Variants in VSIG10 observed in about 807,000 individuals in gnomAD.
VSIG10 encodes V-set and immunoglobulin domain-containing protein 10.
In VSIG10, 48 loss-of-function variants were observed where a neutral mutation model predicts 58.7. The ratio of observed to expected loss-of-function variants is 0.82; its 90% CI spans 0.65 to 1.04. VSIG10 has a LOEUF of 1.04. VSIG10 is among the 50% of genes least tolerant of loss of function. The pLI, the probability that VSIG10 is intolerant of heterozygous loss-of-function variation, is 0.00. For synonymous variants in VSIG10, 260 were observed against 267.1 expected, an observed-to-expected ratio of 0.97 and a Z score of 0.26; for missense variants, 628 against 670.0, an observed-to-expected ratio of 0.94 and a Z score of 0.69.
At chr12:118,080,126 G>A (rs888924262) in intron 3 of VSIG10, among the ~76,000 whole-genome samples, 2 of 151,692 alleles carry the variant, frequency 1.3e-5, no homozygotes, top group East Asian at 3.9e-4. Context: ...GAGCCACTGC[G>A]TCTCGCCTCG....
rs2032206362 is a variant in VSIG10 at position 118,065,217 on chromosome 12, A to G, written c.*1422T>C. On this transcript the variant is annotated 3_prime_UTR_variant, in exon 9 of 9. Coordinates refer to ENST00000359236, the MANE Select transcript of VSIG10 (RefSeq NM_019086.6). ...CTCTTCCCACTTCCAAGACTGAGAAAGAGTCCAGATGAGCTGGTTTGCCCA... is the reference window on the plus strand; with the variant it reads ...CTCTTCCCACTTCCAAGACTGAGAAGGAGTCCAGATGAGCTGGTTTGCCCA... The G allele has an allele frequency of 6.6e-6, 1 of 151,840 alleles. No individual in the cohort carries two copies. Among genetic ancestry groups the G allele is most frequent in the Non-Finnish European group, 1.5e-5 (1 of 67,688 alleles). The allele number at this position is 151,840 out of a possible 1,614,324, so 9.4% of individuals were successfully genotyped here.
intron 3 of VSIG10, among the ~76,000 whole-genome samples, chr12:118,081,699 A>G (rs1566166137): frequency 6.6e-6 from 1 of 152,154 alleles, no homozygotes; most frequent in African/African-American, 2.4e-5. Context: ...GTTCAGAAGA[A>G]TCATGCAGCA....
chr12:118,103,286 C>A, intron 1 of VSIG10: 1 of 304,678 alleles, frequency 3.3e-6, no homozygotes, highest in Non-Finnish European at 6.0e-6. Flanking sequence ...AAAAAAATCA[C>A]TTTCCCGGCA....
chr12:118,082,446 G>A lies in VSIG10; in HGVS notation c.362-17C>T, dbSNP rs537110073. The A allele has an allele frequency of 5.6e-6, 9 of 1,598,588 alleles. No individual in the cohort carries two copies. In the Admixed American group the frequency reaches 6.8e-5, roughly 12 times the overall value. ...AGGGGCCGCCTGGGGATGACAGGGGGAATAGGATGGCATTAATTATGTAAG... is the reference window on the plus strand; with the variant it reads ...AGGGGCCGCCTGGGGATGACAGGGGAAATAGGATGGCATTAATTATGTAAG... On this transcript the variant is annotated splice_polypyrimidine_tract_variant and intron_variant, in intron 2 of 8. Transcript: ENST00000359236.
intron 2 of VSIG10, among the ~76,000 whole-genome samples, chr12:118,090,596 T>A (rs577191921): frequency 8.5e-5 from 13 of 152,298 alleles, no homozygotes; most frequent in Non-Finnish European, 1.6e-4. Context: ...TATCTGTGAA[T>A]GCACCACACT....
intron 1 of VSIG10, among the ~76,000 whole-genome samples, chr12:118,100,544 T>A (rs559446715): frequency 2.0e-4 from 31 of 152,316 alleles, no homozygotes; most frequent in Non-Finnish European, 3.5e-4. Flanking sequence ...ATTTACTTTT[T>A]TTTTGAGATG....
intron 5 of VSIG10, among the ~76,000 whole-genome samples, chr12:118,071,976 C>A (rs1027302686): frequency 4.0e-5 from 6 of 148,936 alleles, no homozygotes; most frequent in African/African-American, 1.5e-4. Context: ...TCGAGACCAG[C>A]CTGACCAACA....
chr12:118,089,378 AGT>A (rs34956496), intron 2 of VSIG10, among the ~76,000 whole-genome samples: 28,499 of 152,166 alleles, frequency 0.19, 3,246 homozygotes, highest in Middle Eastern at 0.32. Context: ...TTAACAAATC[AGT>A]GTCTGATCAA....
At chr12:118,082,017 T>TAA (rs11413291) in intron 3 of VSIG10, 110 bp downstream of exon 3, 15,932 of 842,310 alleles carry the variant, frequency 0.019, 5 homozygotes, top group East Asian at 0.038. Context: ...AACTCCATCT[T>TAA]AAAAAAAAAA....
intron 4 of VSIG10, among the ~76,000 whole-genome samples, chr12:118,076,472 G>C (rs2032731665): frequency 1.3e-5 from 2 of 150,368 alleles, no homozygotes; most frequent in African/African-American, 4.9e-5. Context: ...GCCAATATTT[G>C]GAGTTACAAT....
Position 118,082,329 on chromosome 12 carries a change from G to T in VSIG10, c.462C>A (p.Asn154Lys). The change falls in exon 3 of 9, where the codon AAC becomes AAA. Residue 154 changes from asparagine to lysine, a missense_variant. Coordinates refer to ENST00000359236, the MANE Select transcript of VSIG10 (RefSeq NM_019086.6). ...ARGSQVDFSC[N>K]SSSRPPPVVE... ...CCACGGGTGGTGGCCTGGAGCTGCT[G>T]TTGCAGCTGAAGTCCACCTGGGAGC... 1 of 1,614,018 alleles carries T rather than the reference G, an allele frequency of 6.2e-7. No homozygotes were observed. Among genetic ancestry groups the T allele is most frequent in the African/African-American group, 1.3e-5 (1 of 75,058 alleles).
At chr12:118,088,643 C>T (rs945972244) in intron 2 of VSIG10, among the ~76,000 whole-genome samples, 1 of 152,192 alleles carries the variant, frequency 6.6e-6, no homozygotes. Flanking sequence ...ACGCCCTCCC[C>T]GCTGGCCACT....
At chr12:118,102,728 C>T (rs1302064895) in intron 1 of VSIG10, 2 of 152,022 alleles carry the variant, frequency 1.3e-5, no homozygotes, top group Admixed American at 1.3e-4. Flanking sequence ...TGGAGCAGAC[C>T]CGGGAACACA....
chr12:118,103,330 CTCG>C, intron 1 of VSIG10, among the ~76,000 whole-genome samples: 2 of 54,714 alleles, frequency 3.7e-5, no homozygotes, highest in South Asian at 9.5e-4. Context: ...CGCACGTCGG[CTCG>C]GCTCGGCTCC....
chr12:118,087,422 A>G (rs896268599), intron 2 of VSIG10, among the ~76,000 whole-genome samples: 3 of 152,148 alleles, frequency 2.0e-5, no homozygotes, highest in South Asian at 2.1e-4. Flanking sequence ...CCATGTTTCT[A>G]CAGCATCTCT....
At chr12:118,082,017 T>TAAAAA (rs11413291) in intron 3 of VSIG10, 110 bp downstream of exon 3, 24 of 849,672 alleles carry the variant, frequency 2.8e-5, no homozygotes, top group African/African-American at 8.4e-5. Context: ...AACTCCATCT[T>TAAAAA]AAAAAAAAAA....
intron 2 of VSIG10, among the ~76,000 whole-genome samples, chr12:118,086,288 C>CAA (rs2033124567): frequency 6.6e-6 from 1 of 151,746 alleles, no homozygotes. Context: ...TATGGCAAAA[C>CAA]AAAACCCTGT....
At chr12:118,097,343 G>A (rs530421070) in intron 1 of VSIG10, among the ~76,000 whole-genome samples, 6 of 152,326 alleles carry the variant, frequency 3.9e-5, no homozygotes, top group East Asian at 1.9e-4. Context: ...GCCGGGAGCC[G>A]TGGCTCATGC....
rs1360682922 is a variant in VSIG10, at chr12:118,094,901, GA to G, written c.361+631del. On this transcript the variant is annotated intron_variant, in intron 2 of 8. Transcript: ENST00000359236. ...ACAGGCGTGCGCCACCATGCCTGGC[GA>G]ATTTTTTTTTTTTTTTTTTTGAGAC... Among the ~76,000 whole-genome samples the G allele has an allele frequency of 3.4e-3, 468 of 138,878 alleles. 1 individual carries two copies. The highest frequency in any genetic ancestry group is 6.0e-3 in the Non-Finnish European group (387 of 65,020). The allele number at this position is 138,878 out of a possible 152,430, so 91.1% of individuals were successfully genotyped here.
Sources: gnomAD v4.1 joint callset for allele counts (sites outside exome capture counted in the v4.1 genomes callset) on GRCh38, gnomAD v4.1.1 for gene constraint, MANE v1.5 for transcripts, NCBI Gene and HGNC (gene_info 2026-07-23, HGNC 2026-07-21) for gene names.